Variants in DNAJC5 observed in about 807,000 individuals in gnomAD.
DNAJC5 encodes the protein DnaJ heat shock protein family (Hsp40) member C5.
DNAJC5 carries 1 observed loss-of-function variant against 23.2 expected under a neutral mutation model. The ratio of observed to expected loss-of-function variants is 0.04; its 90% confidence interval spans 0.02 to 0.20. The LOEUF is 0.20. Among genes scored for constraint, DNAJC5 ranks in the 10% least tolerant of loss-of-function variants. The pLI, the probability that DNAJC5 is intolerant of heterozygous loss-of-function variation, is 1.00. For synonymous variants in DNAJC5, 136 were observed against 120.0 expected (o/e 1.13, Z -0.87); for missense variants, 180 against 267.0 (o/e 0.67, Z 2.27).
rs114220202 is a variant in DNAJC5, at chr20:63,928,479, T to C, written c.107+27T>C. On this transcript the variant is annotated intron_variant, in intron 2 of 4. Coordinates refer to ENST00000360864, the MANE Select transcript of DNAJC5 (RefSeq NM_025219.3). The surrounding 1 kb of genome is among the most constrained non-coding windows in gnomAD (Gnocchi z 4.6). ...TAAGTGGACAAGTGTGGCCCCCACA[T>C]CCCCCCAGGAAGACACACATGCCCC... is the stretch of plus-strand genomic sequence containing the variant. 4.8e-4 allele frequency: 760 copies of C among 1,582,618 alleles called. 2 individuals are homozygous for C. The African/African-American group carries it at 6.4e-3, about 13-fold the overall frequency.
At position 63,931,298 on chromosome 20, in the gene DNAJC5, G is replaced by C; in HGVS notation, c.494-167G>C. ...GGGGCGGGGCTGAGGGCCGAGGGCT[G>C]GCGGTGACCCAAGGCGACGGAGGAA... On this transcript the variant is annotated intron_variant, in intron 4 of 4. Transcript: ENST00000360864. This position sits in a 1 kb window ranked among gnomAD's most constrained non-coding sequence, Gnocchi z 9.6. 1 of 812,142 alleles carries C rather than the reference G, an allele frequency of 1.2e-6. No homozygotes were observed. The highest frequency in any genetic ancestry group is 1.5e-5 in the South Asian group (1 of 66,792). The allele number at this position is 812,142 out of a possible 1,614,324, so 50.3% of individuals were successfully genotyped here.
At chr20:63,919,360 C>T in intron 1 of DNAJC5, 1 of 516,212 alleles carries the variant, frequency 1.9e-6, no homozygotes, top group Admixed American at 1.9e-5. Flanking sequence ...TGTGATGGCA[C>T]CGACGTGTCC....
chr20:63,927,304 G>A lies in DNAJC5; in HGVS notation c.-11-1031G>A, dbSNP rs549763822. ...GGCTGAGGCAGGCGGATCACCTGAG[G>A]TCGGGAGTTCAGCCTGAGGTCGGGA... On this transcript the variant is annotated intron_variant, in intron 1 of 4. Transcript: ENST00000360864. Among the ~76,000 whole-genome samples, 12 of 152,270 alleles carry A rather than the reference G, an allele frequency of 7.9e-5. No homozygotes were observed. The South Asian group carries it at 2.5e-3, about 32-fold the overall frequency.
intron 1 of DNAJC5, among the ~76,000 whole-genome samples, chr20:63,923,570 T>A (rs762800824): frequency 6.6e-6 from 1 of 151,982 alleles, no homozygotes; most frequent in Non-Finnish European, 1.5e-5. Context: ...ATAAAAATTT[T>A]AAAAAATAGC....
In DNAJC5 at chr20:63,933,987, G is replaced by C. The variant is rs537200922; in HGVS notation, c.*2419G>C. 6.6e-6 allele frequency: 1 copy of C among 152,442 alleles called. No individual in the cohort carries two copies. The highest frequency in any genetic ancestry group is 2.1e-4 in the South Asian group (1 of 4,818). 9.4% of individuals were successfully genotyped at this position (152,442 alleles called of 1,614,324 possible). ...GAAAGAGGAGCAGGTCTGGAGGTTT[G>C]TGGAACCCAGTCCCCTGCAGAATCT... On this transcript the variant is annotated 3_prime_UTR_variant, in exon 5 of 5. Coordinates refer to ENST00000360864, the MANE Select transcript of DNAJC5 (RefSeq NM_025219.3).
rs2053714484 is a variant in DNAJC5, at chr20:63,935,995, T to C, written c.*4427T>C. ...CTGAATGTTGGCCTAAAATAAAGAT[T>C]ACTGTTGTAAAATAAATGTTTTCAC... On this transcript the variant is annotated 3_prime_UTR_variant, in exon 5 of 5. Coordinates refer to ENST00000360864, the MANE Select transcript of DNAJC5 (RefSeq NM_025219.3). The C allele has an allele frequency of 6.6e-6, 1 of 152,174 alleles. No homozygotes were observed. Among genetic ancestry groups the C allele is most frequent in the South Asian group, 2.1e-4 (1 of 4,830 alleles). 9.4% of individuals were successfully genotyped at this position (152,174 alleles called of 1,614,324 possible). A position where few individuals can be genotyped will look rare whatever the true frequency, so the allele number is the denominator to read the frequency against.
intron 1 of DNAJC5, among the ~76,000 whole-genome samples, chr20:63,915,010 G>A (rs1218803779): frequency 2.6e-5 from 4 of 152,188 alleles, no homozygotes; most frequent in Non-Finnish European, 4.4e-5. Flanking sequence ...AAAATGGAGA[G>A]CCCCTGATAG....
Position 63,929,447 on chromosome 20 carries a change from G to T in DNAJC5, c.243G>T (p.Ser81=), listed in dbSNP as rs532410241. Residue 81 remains serine (S), a synonymous_variant, in exon 3 of 5, where the codon TCG becomes TCT. Coordinates refer to ENST00000360864, the MANE Select transcript of DNAJC5 (RefSeq NM_025219.3). This position sits in a 1 kb window ranked among gnomAD's most constrained non-coding sequence, Gnocchi z 8.6. ...TKRNIYDKYG[S]LGLYVAEQFG... is the part of the protein sequence containing the mutation. ...GGAACATCTACGACAAGTACGGCTC[G>T]CTGGGTCTCTACGTGGCCGAGCAGT... is the stretch of plus-strand genomic sequence containing the variant. 16 of 1,611,266 alleles carry T rather than the reference G, an allele frequency of 9.9e-6. No homozygotes were observed. Among genetic ancestry groups the T allele is most frequent in the Non-Finnish European group, 1.3e-5 (15 of 1,179,342 alleles).
chr20:63,895,631 C>A (rs1249942317), intron 1 of DNAJC5, among the ~76,000 whole-genome samples: 1 of 151,918 alleles, frequency 6.6e-6, no homozygotes, highest in East Asian at 1.9e-4. Context: ...GACGCCCCCT[C>A]CGCTCCCCCA....
chr20:63,935,091 A>C lies in DNAJC5; in HGVS notation c.*3523A>C, dbSNP rs1289085035. On this transcript the variant is annotated 3_prime_UTR_variant, in exon 5 of 5. Coordinates refer to ENST00000360864, the MANE Select transcript of DNAJC5 (RefSeq NM_025219.3). The stretch of plus-strand genomic sequence containing the variant: ...GTGTCTGTTATTTTGGTTGTAAATC[A>C]TTCTCCTGTGGAATTGGCAAAAGCT... 1 of 152,230 alleles carries C rather than the reference A, an allele frequency of 6.6e-6. No individual in the cohort carries two copies. The highest frequency in any genetic ancestry group is 1.5e-5 in the Non-Finnish European group (1 of 68,058). The allele number at this position is 152,230 out of a possible 1,614,324, so 9.4% of individuals were successfully genotyped here.
At position 63,929,296 on chromosome 20, in the gene DNAJC5, T is replaced by G; in HGVS notation, c.108-16T>G. On this transcript the variant is annotated splice_polypyrimidine_tract_variant and intron_variant, in intron 2 of 4. Coordinates refer to ENST00000360864, the MANE Select transcript of DNAJC5 (RefSeq NM_025219.3). This position sits in a 1 kb window ranked among gnomAD's most constrained non-coding sequence, Gnocchi z 8.6. ...CAAAGTCCAGGGTAGAGCCAGGACATGGTTTTGGTTTGCAGGAAGCTTGCC... is the reference window on the plus strand; with the variant it reads ...CAAAGTCCAGGGTAGAGCCAGGACAGGGTTTTGGTTTGCAGGAAGCTTGCC... 6.2e-7 allele frequency: 1 copy of G among 1,610,914 alleles called. No homozygotes were observed. The highest frequency in any genetic ancestry group is 1.1e-5 in the South Asian group (1 of 90,794).
At chr20:63,906,821 G>T (rs2053451566) in intron 1 of DNAJC5, among the ~76,000 whole-genome samples, 1 of 151,820 alleles carries the variant, frequency 6.6e-6, no homozygotes, top group Non-Finnish European at 1.5e-5. Flanking sequence ...ATATGACAGT[G>T]GCCTGGGTGC....
intron 1 of DNAJC5, among the ~76,000 whole-genome samples, chr20:63,913,066 C>G (rs1253476392): frequency 6.6e-6 from 1 of 151,316 alleles, no homozygotes; most frequent in African/African-American, 2.4e-5. Flanking sequence ...AGAGGTAGTT[C>G]CCTGCCCCGT....
chr20:63,919,068 C>T (rs1158350767), intron 1 of DNAJC5, among the ~76,000 whole-genome samples: 1 of 152,212 alleles, frequency 6.6e-6, no homozygotes, highest in African/African-American at 2.4e-5. Context: ...AAAACGTTTG[C>T]TGCACACACT....
chr20:63,900,397 C>T (rs1448569750), intron 1 of DNAJC5, among the ~76,000 whole-genome samples: 1 of 151,678 alleles, frequency 6.6e-6, no homozygotes, highest in Non-Finnish European at 1.5e-5. Flanking sequence ...GGCAACATAG[C>T]AAAACCCCAT....
chr20:63,899,465 T>C (rs1287943282), intron 1 of DNAJC5, among the ~76,000 whole-genome samples: 2 of 152,246 alleles, frequency 1.3e-5, no homozygotes, highest in Admixed American at 1.3e-4. Context: ...TTATTCTTGG[T>C]ACATCACAGA....
intron 1 of DNAJC5, among the ~76,000 whole-genome samples, chr20:63,909,310 A>G (rs1452831430): frequency 6.6e-6 from 1 of 151,696 alleles, no homozygotes; most frequent in Non-Finnish European, 1.5e-5. Context: ...CATCCTGGCT[A>G]ACACAGTGAA....
chr20:63,912,848 C>T (rs560744515), intron 1 of DNAJC5, among the ~76,000 whole-genome samples: 15 of 152,182 alleles, frequency 9.9e-5, no homozygotes, highest in Non-Finnish European at 2.2e-4. Context: ...ACCTCGTGAT[C>T]TGGCCACCTT....
At chr20:63,908,439 T>A (rs1318730237) in intron 1 of DNAJC5, among the ~76,000 whole-genome samples, 1 of 152,184 alleles carries the variant, frequency 6.6e-6, no homozygotes, top group East Asian at 1.9e-4. Flanking sequence ...TGCTCTGTGG[T>A]CTGCTCAGTG....
Sources: allele counts gnomAD v4.1 joint callset (sites outside exome capture counted in the v4.1 genomes callset), GRCh38; gene constraint gnomAD v4.1.1; non-coding constraint Gnocchi (gnomAD v3.1); transcripts MANE v1.5; gene names NCBI Gene and HGNC (gene_info 2026-07-23, HGNC 2026-07-21).